The following TNFRSF10C variants were observed in gnomAD, a reference collection of about 807,000 sequenced individuals.
TNFRSF10C encodes the protein TNF receptor superfamily member 10c, also known as tumor necrosis factor receptor superfamily member 10C.
A neutral mutation model predicts 16.7 loss-of-function variants in TNFRSF10C; 17 were observed. That is an observed-to-expected ratio of 1.02 (90% confidence interval 0.70 to 1.53). The LOEUF (loss-of-function observed/expected upper bound fraction) is 1.53. TNFRSF10C is among the 40% of genes most tolerant of loss of function. The pLI is 0.00. For missense variants in TNFRSF10C, 237 were observed against 329.7 expected (o/e 0.72, Z 2.18); for synonymous variants, 73 against 119.7 (o/e 0.61, Z 2.55).
intron 4 of TNFRSF10C, 64 bp downstream of exon 4, chr8:23,115,680 T>C (rs1182022916): frequency 7.4e-7 from 1 of 1,350,282 alleles, no homozygotes; most frequent in Non-Finnish European, 1.0e-6. Flanking sequence ...AGTCACCTGG[T>C]ACCCCTATTT....
intron 2 of TNFRSF10C, among the ~76,000 whole-genome samples, chr8:23,113,551 G>T (rs1271251313): frequency 6.6e-6 from 1 of 151,868 alleles, no homozygotes; most frequent in African/African-American, 2.4e-5. Flanking sequence ...TTATTGAAGA[G>T]CTGTCCTTTC....
chr8:23,112,048 C>T (rs1813888741), intron 2 of TNFRSF10C, among the ~76,000 whole-genome samples: 1 of 152,170 alleles, frequency 6.6e-6, no homozygotes, highest in Admixed American at 6.5e-5. Flanking sequence ...GCCCTCTTTG[C>T]CCTTTTTATC....
At position 23,114,733 on chromosome 8, in the gene TNFRSF10C, T is replaced by C. The variant is rs751720849; in HGVS notation, c.243T>C (p.Asn81=). 5 of 1,614,036 alleles carry C rather than the reference T, an allele frequency of 3.1e-6. No individual in the cohort carries two copies. The East Asian group carries it at 1.1e-4, about 36-fold the overall frequency. ...TGGATTACACCAACGCTTCCAACAA[T>C]GAACCTTCTTGCTTCCCATGTACAG... is the stretch of plus-strand genomic sequence containing the variant. ...EGVDYTNASN[N]EPSCFPCTVC... Residue 81 remains asparagine, a synonymous_variant, in exon 3 of 5, where the codon AAT becomes AAC. Coordinates refer to ENST00000356864, the MANE Select transcript of TNFRSF10C (RefSeq NM_003841.5).
At position 23,114,655 on chromosome 8, in the gene TNFRSF10C, A is replaced by G; in HGVS notation, c.167-2A>G. 6.2e-7 allele frequency: 1 copy of G among 1,611,838 alleles called. No homozygotes were observed. Among genetic ancestry groups the G allele is most frequent in the African/African-American group, 1.3e-5 (1 of 75,004 alleles). The stretch of plus-strand genomic sequence containing the variant: ...TTCATTGGCTTTTCTCTTCCTTCCC[A>G]GGATCTCATAGATCAGAACATACTG... On this transcript the variant is annotated splice_acceptor_variant, in intron 2 of 4. Transcript: ENST00000356864. LOFTEE classifies it high-confidence loss of function.
chr8:23,107,003 G>A (rs576172369), intron 1 of TNFRSF10C, among the ~76,000 whole-genome samples: 1 of 152,076 alleles, frequency 6.6e-6, no homozygotes, highest in South Asian at 2.1e-4. Context: ...ACACAAAAGA[G>A]GTCAAAGGAT....
At chr8:23,107,989 T>G (rs555588566) in intron 1 of TNFRSF10C, among the ~76,000 whole-genome samples, 2 of 152,140 alleles carry the variant, frequency 1.3e-5, no homozygotes, top group African/African-American at 2.4e-5. Context: ...TAGCGGTGGA[T>G]GAGATCCGAG....
intron 2 of TNFRSF10C, 102 bp from the exon 3 acceptor site, chr8:23,114,555 T>C: frequency 2.3e-6 from 2 of 879,298 alleles, no homozygotes; most frequent in Non-Finnish European, 1.9e-6. Context: ...TGGATTTCTC[T>C]GTCTCAATTC....
At chr8:23,111,532 T>A (rs981962444) in intron 1 of TNFRSF10C, among the ~76,000 whole-genome samples, 188 bp from the exon 2 acceptor site, 13 of 140,686 alleles carry the variant, frequency 9.2e-5, no homozygotes, top group East Asian at 4.1e-4. Flanking sequence ...TTTTTTTTTT[T>A]ATAGAAAATA....
In TNFRSF10C at chr8:23,114,591, C is replaced by T. The variant is rs1029957228; in HGVS notation, c.167-66C>T. On this transcript the variant is annotated intron_variant, in intron 2 of 4. Coordinates refer to ENST00000356864, the MANE Select transcript of TNFRSF10C (RefSeq NM_003841.5). ...CAGTGAGGGCCAAAAAAGAAGTTTC[C>T]CCACCACTGTCAGCCTCTGGGAATT... 14 of 1,358,774 alleles carry T rather than the reference C, an allele frequency of 1.0e-5. No homozygotes were observed. In the African/African-American group the frequency reaches 1.6e-4, roughly 15 times the overall value. The allele number at this position is 1,358,774 out of a possible 1,614,324, so 84.2% of individuals were successfully genotyped here. A position where few individuals can be genotyped will look rare whatever the true frequency, so the allele number is the denominator to read the frequency against.
At chr8:23,105,190 C>G (rs979466673) in intron 1 of TNFRSF10C, among the ~76,000 whole-genome samples, 3 of 152,228 alleles carry the variant, frequency 2.0e-5, no homozygotes, top group Non-Finnish European at 2.9e-5. Context: ...CGTGCTCCCC[C>G]TCTGGCTCTG....
At chr8:23,107,066 C>A (rs946679981) in intron 1 of TNFRSF10C, among the ~76,000 whole-genome samples, 7 of 151,578 alleles carry the variant, frequency 4.6e-5, no homozygotes, top group Admixed American at 4.6e-4. Flanking sequence ...AGTCAATTGA[C>A]CAGGGTGGGC....
Position 23,109,965 on chromosome 8 carries a change from A to T in TNFRSF10C, c.61-1755A>T, listed in dbSNP as rs544742809. On this transcript the variant is annotated intron_variant, in intron 1 of 4. Transcript: ENST00000356864. ...TGTCTTTGGGGACTGAGGTGGCAGG[A>T]CCACTTGAGCCTGGGAGGCAGAGGA... Among the ~76,000 whole-genome samples, 258 of 148,356 alleles carry T rather than the reference A, an allele frequency of 1.7e-3. 1 individual carries two copies. The highest frequency in any genetic ancestry group is 6.1e-3 in the African/African-American group (245 of 40,290).
intron 2 of TNFRSF10C, among the ~76,000 whole-genome samples, chr8:23,112,110 CAA>C (rs1364907660): frequency 6.6e-6 from 1 of 151,254 alleles, no homozygotes; most frequent in Non-Finnish European, 1.5e-5. Context: ...ATGGTTGCAA[CAA>C]ACCACAGATC....
At chr8:23,112,318 G>C (rs936809973) in intron 2 of TNFRSF10C, among the ~76,000 whole-genome samples, 17 of 152,216 alleles carry the variant, frequency 1.1e-4, no homozygotes, top group Admixed American at 9.8e-4. Context: ...TATATGCAGA[G>C]TTTGTTCCAT....
At chr8:23,107,997 G>A (rs567787323) in intron 1 of TNFRSF10C, among the ~76,000 whole-genome samples, 1 of 152,166 alleles carries the variant, frequency 6.6e-6, no homozygotes, top group Non-Finnish European at 1.5e-5. Context: ...GATGAGATCC[G>A]AGTTACCCTA....
At chr8:23,111,510 T>G (rs1813877682) in intron 1 of TNFRSF10C, among the ~76,000 whole-genome samples, 1 of 91,736 alleles carries the variant, frequency 1.1e-5, no homozygotes, top group African/African-American at 4.4e-5. Context: ...CCATCGCGCT[T>G]GCCTGTATTT....
Position 23,114,673 on chromosome 8 carries a change from A to T in TNFRSF10C, c.183A>T (p.Glu61Asp). The T allele has an allele frequency of 6.2e-7, 1 of 1,611,538 alleles. No individual in the cohort carries two copies. The highest frequency in any genetic ancestry group is 1.1e-5 in the South Asian group (1 of 90,662). Residue 61 changes from glutamate to aspartate, a missense_variant, in exon 3 of 5, where the codon GAA (glutamate) becomes GAT (aspartate). By Grantham distance (45) the Glu-to-Asp change is conservative. This residue lies in a region of TNFRSF10C where 212 missense variants were observed against 196.8 expected (regional missense o/e 1.08). Coordinates refer to ENST00000356864, the MANE Select transcript of TNFRSF10C (RefSeq NM_003841.5). The part of the protein sequence containing the change: ...EECPAGSHRS[E>D]HTGACNPCTE... ...CCTTCCCAGGATCTCATAGATCAGA[A>T]CATACTGGAGCCTGTAACCCGTGCA...
At chr8:23,103,947 AAAAAAG>A (rs1813719836) in intron 1 of TNFRSF10C, among the ~76,000 whole-genome samples, 1 of 152,168 alleles carries the variant, frequency 6.6e-6, no homozygotes, top group South Asian at 2.1e-4. Context: ...CAAAAAAAAG[AAAAAAG>A]AAAAAGAAAA....
intron 1 of TNFRSF10C, among the ~76,000 whole-genome samples, chr8:23,110,225 C>T (rs1253588639): frequency 1.3e-5 from 2 of 152,052 alleles, no homozygotes; most frequent in South Asian, 4.1e-4. Flanking sequence ...TAGAGGGACT[C>T]CAACCCGGGA....
Sources: allele counts gnomAD v4.1 joint callset (sites outside exome capture counted in the v4.1 genomes callset), GRCh38; gene constraint gnomAD v4.1.1; regional missense constraint gnomAD v4.1.1; transcripts MANE v1.5; gene names NCBI Gene and HGNC (gene_info 2026-07-23, HGNC 2026-07-21).